The following RUVBL1 variants were observed in gnomAD, a reference collection of about 807,000 sequenced individuals.
RUVBL1 encodes RuvB like AAA ATPase 1.
Under a neutral mutation model 52.4 loss-of-function variants are expected in RUVBL1, and 4 were observed. The observed-to-expected ratio is 0.08, with a 90% CI of 0.04 to 0.17. The LOEUF (loss-of-function observed/expected upper bound fraction) is 0.17, where lower values mean the gene tolerates loss of function less well. Among genes scored for constraint, RUVBL1 ranks in the 10% least tolerant of loss-of-function variants. The probability of loss-of-function intolerance (pLI) is 1.00; values close to 1 mark genes in which losing one functional copy is unlikely to be tolerated. For synonymous variants in RUVBL1, 217 were observed against 214.4 expected (o/e 1.01, Z -0.10); for missense variants, 298 against 572.8 (o/e 0.52, Z 4.90).
At chr3:128,069,753 C>CT (rs1942100931) in intron 9 of RUVBL1, 1 of 1,019,728 alleles carries the variant, frequency 9.8e-7, no homozygotes, top group Non-Finnish European at 1.5e-6. Flanking sequence ...GGCATATGGA[C>CT]TTTTAATAAT....
chr3:128,128,045 T>TACAC (rs1255475146), upstream of RUVBL1, among the ~76,000 whole-genome samples: 1 of 151,908 alleles, frequency 6.6e-6, no homozygotes, highest in African/African-American at 2.4e-5. Flanking sequence ...CATACATACA[T>TACAC]ACATACATAA....
chr3:128,126,201 T>TTGTGTGTGTGTGTG (rs10576695), upstream of RUVBL1, among the ~76,000 whole-genome samples: 10 of 147,518 alleles, frequency 6.8e-5, no homozygotes, highest in African/African-American at 2.5e-4. Context: ...AGTTGTTCCT[T>TTGTGTGTGTGTGTG]TGTGTGTGTG....
intron 9 of RUVBL1, chr3:128,069,626 A>G (rs755909196): frequency 3.1e-6 from 5 of 1,614,064 alleles, no homozygotes; most frequent in Non-Finnish European, 1.7e-6. Context: ...TTAAGGAGCA[A>G]AGCGAGGTTG....
chr3:128,143,335 G>T (rs6800225), intron 1 of RUVBL1, among the ~76,000 whole-genome samples: 21,096 of 151,980 alleles, frequency 0.14, 1,652 homozygotes, highest in African/African-American at 0.2. Context: ...ACTATGCCCA[G>T]CTAATTTTTG....
At chr3:128,117,587 C>T (rs1207533535) in intron 2 of RUVBL1, among the ~76,000 whole-genome samples, 1 of 151,708 alleles carries the variant, frequency 6.6e-6, no homozygotes, top group Non-Finnish European at 1.5e-5. Flanking sequence ...AAGGCAATAG[C>T]TGAAGAGATT....
At chr3:128,072,919 G>A (rs1942208905) in intron 9 of RUVBL1, among the ~76,000 whole-genome samples, 1 of 152,148 alleles carries the variant, frequency 6.6e-6, no homozygotes, top group African/African-American at 2.4e-5. Context: ...CAGTGATGGG[G>A]GGGTAAGGCT....
intron 9 of RUVBL1, among the ~76,000 whole-genome samples, chr3:128,066,365 GCT>G (rs907336295): frequency 3.9e-5 from 6 of 152,018 alleles, no homozygotes; most frequent in African/African-American, 9.7e-5. Context: ...AATGTGATAG[GCT>G]CTGTCTTTTG....
chr3:128,080,930 T>C lies in RUVBL1; in HGVS notation c.*320A>G. 1 of 266,634 alleles carries C rather than the reference T, an allele frequency of 3.8e-6. No individual in the cohort carries two copies. The highest frequency in any genetic ancestry group is 7.2e-6 in the Non-Finnish European group (1 of 139,752). The allele number at this position is 266,634 out of a possible 1,614,324, so 16.5% of individuals were successfully genotyped here. On this transcript the variant is annotated 3_prime_UTR_variant, in exon 11 of 11. Transcript: ENST00000322623. ...TACAAGATACATGGGAACTCCCTAT[T>C]GTATGTTCACAATGACTCTGTACAT...
In RUVBL1 at chr3:128,151,500, A is replaced by G. The variant is rs72983590; in HGVS notation, c.-40+1703T>C. 4.6e-3 allele frequency among the ~76,000 whole-genome samples: 697 copies of G among 152,138 alleles called. 5 individuals are homozygous for G. Among genetic ancestry groups the G allele is most frequent in the African/African-American group, 0.016 (665 of 41,472 alleles). On this transcript the variant is annotated intron_variant, in intron 1 of 9. Transcript: ENST00000464873. The stretch of plus-strand genomic sequence containing the variant: ...TCTCAGAGGTACATAAAGCCTCTAA[A>G]GCTCTTATTACCTATTTACTAACCC...
intron 4 of RUVBL1, among the ~76,000 whole-genome samples, chr3:128,103,480 T>C (rs1943152045): frequency 1.3e-5 from 2 of 152,168 alleles, no homozygotes; most frequent in Admixed American, 1.3e-4. Flanking sequence ...ATTTTTATGA[T>C]CTCCATAAAG....
At chr3:128,074,851 AAAAAAAAAAAAAAACTT>A (rs1473378906) in intron 9 of RUVBL1, among the ~76,000 whole-genome samples, 5 of 151,618 alleles carry the variant, frequency 3.3e-5, no homozygotes, top group Non-Finnish European at 2.9e-5. Context: ...TCAAAAAAAA[AAAAAAAAAAAAAAACTT>A]AAAAAACCAT....
intron 4 of RUVBL1, 113 bp from the exon 5 acceptor site, chr3:128,101,761 G>A: frequency 1.9e-6 from 2 of 1,055,118 alleles, no homozygotes; most frequent in African/African-American, 1.6e-5. Flanking sequence ...CATGGAGAAA[G>A]CCTGTTTTGC....
intron 1 of RUVBL1, among the ~76,000 whole-genome samples, chr3:128,141,343 C>T (rs1015259546): frequency 2.6e-5 from 4 of 152,192 alleles, no homozygotes; most frequent in Non-Finnish European, 5.9e-5. Flanking sequence ...AGTTACCTCT[C>T]ATTCCCCTCT....
intron 9 of RUVBL1, chr3:128,069,840 C>G (rs954895865): frequency 3.2e-6 from 2 of 618,488 alleles, no homozygotes; most frequent in Non-Finnish European, 5.5e-6. Flanking sequence ...TGCTTTTTAT[C>G]CTGGCACTGG....
At chr3:128,148,224 G>T (rs1346607533) in intron 1 of RUVBL1, among the ~76,000 whole-genome samples, 1 of 152,128 alleles carries the variant, frequency 6.6e-6, no homozygotes, top group Non-Finnish European at 1.5e-5. Context: ...CACCAACAAG[G>T]GTGAATTTTA....
At chr3:128,109,809 A>ATTTTTTTTTT (rs60187195) in intron 3 of RUVBL1, among the ~76,000 whole-genome samples, 1 of 80,498 alleles carries the variant, frequency 1.2e-5, no homozygotes, top group East Asian at 4.0e-4. Context: ...CTCTCTGTAA[A>ATTTTTTTTTT]TTTTTTTTTT....
intron 1 of RUVBL1, among the ~76,000 whole-genome samples, chr3:128,129,889 T>C (rs1164516870): frequency 6.6e-6 from 1 of 152,136 alleles, no homozygotes; most frequent in Non-Finnish European, 1.5e-5. Flanking sequence ...ATTCAATTGG[T>C]GCAGGGTTTC....
In RUVBL1 at chr3:128,123,802, C is replaced by A. The variant is rs1313103859; in HGVS notation, c.-78G>T. 11 of 1,485,368 alleles carry A rather than the reference C, an allele frequency of 7.4e-6. No individual in the cohort carries two copies. Among genetic ancestry groups the A allele is most frequent in the Admixed American group, 4.0e-5 (2 of 50,478 alleles). The allele number at this position is 1,485,368 out of a possible 1,614,324, so 92.0% of individuals were successfully genotyped here. A position where few individuals can be genotyped will look rare whatever the true frequency, so the allele number is the denominator to read the frequency against. On this transcript the variant is annotated 5_prime_UTR_variant, in exon 1 of 11. Transcript: ENST00000322623. Reference sequence around the variant, plus strand: ...TGCGCCCGGCGCCTGAGTTACCATGCGGCCGTTACTAGGGCAATTTGCAAA... The same window carrying A: ...TGCGCCCGGCGCCTGAGTTACCATGAGGCCGTTACTAGGGCAATTTGCAAA...
chr3:128,131,891 T>C (rs1027932286), intron 1 of RUVBL1, among the ~76,000 whole-genome samples: 4 of 152,010 alleles, frequency 2.6e-5, no homozygotes, highest in Non-Finnish European at 4.4e-5. Flanking sequence ...GGAAACCAAA[T>C]TGAAAAACTA....
Sources: allele counts gnomAD v4.1 joint callset (sites outside exome capture counted in the v4.1 genomes callset), GRCh38; gene constraint gnomAD v4.1.1; transcripts MANE v1.5; gene names NCBI Gene and HGNC (gene_info 2026-07-23, HGNC 2026-07-21).